Variants in SNX24 observed in about 807,000 individuals in gnomAD.
The protein encoded by SNX24 is sorting nexin 24.
A neutral mutation model predicts 28.7 loss-of-function variants in SNX24; 22 were observed. That is an observed-to-expected ratio of 0.77 (90% CI 0.55 to 1.10). SNX24 has a LOEUF of 1.10. SNX24 is among the 50% of genes least tolerant of loss of function. SNX24 has a pLI of 0.00. For missense variants in SNX24, 221 were observed against 201.1 expected (o/e 1.10, Z -0.60); for synonymous variants, 69 against 71.5 (o/e 0.96, Z 0.18).
chr5:123,015,511 T>C lies in SNX24; in HGVS notation n.383+13507T>C, dbSNP rs936896787. Among the ~76,000 whole-genome samples the C allele has an allele frequency of 7.9e-5, 12 of 152,176 alleles. No homozygotes were observed. In the East Asian group the frequency reaches 2.1e-3, roughly 27 times the overall value. ...AAGCTAATTCAGTGTTTATAAACCA[T>C]AGCTTCGTGACACCCCAGGACAGTG... On this transcript the variant is annotated intron_variant and non_coding_transcript_variant, in intron 5 of 5. Coordinates refer to the SNX24 transcript ENST00000502387.
intron 1 of SNX24, among the ~76,000 whole-genome samples, chr5:122,861,554 A>T (rs1427178417): frequency 6.7e-6 from 1 of 149,798 alleles, no homozygotes; most frequent in Non-Finnish European, 1.5e-5. Context: ...CTCTCAGAGG[A>T]TTTTTTTTTT....
chr5:122,958,813 G>T (rs996407566), intron 3 of SNX24, among the ~76,000 whole-genome samples: 1 of 152,022 alleles, frequency 6.6e-6, no homozygotes, highest in Non-Finnish European at 1.5e-5. Context: ...GCCTGCCTCA[G>T]CCTTCTAAAG....
At chr5:122,891,157 G>GT (rs1167964290) in intron 1 of SNX24, 9 of 1,418,344 alleles carry the variant, frequency 6.3e-6, no homozygotes, top group African/African-American at 5.9e-5. Context: ...TTTACCTAGT[G>GT]TTTTTTTGTT....
chr5:122,904,835 C>G (rs1411038390), intron 1 of SNX24, among the ~76,000 whole-genome samples: 1 of 152,088 alleles, frequency 6.6e-6, no homozygotes, highest in Non-Finnish European at 1.5e-5. Context: ...TGGAGTTTAA[C>G]TGGGAAAAAA....
chr5:123,029,164 C>T lies in SNX24; in HGVS notation n.384-74C>T, dbSNP rs776599564. The T allele has an allele frequency of 4.7e-6, 7 of 1,474,092 alleles. No homozygotes were observed. In the South Asian group the frequency reaches 7.5e-5, roughly 16 times the overall value. 91.3% of individuals were successfully genotyped at this position (1,474,092 alleles called of 1,614,324 possible). On this transcript the variant is annotated intron_variant and non_coding_transcript_variant, in intron 5 of 5. Transcript: ENST00000502387. Reference sequence around the variant, plus strand: ...AAGGGCACTGAGTGCCCAAATAATACATATTTAATTGGAAAATAAAGTCAA... The same window carrying T: ...AAGGGCACTGAGTGCCCAAATAATATATATTTAATTGGAAAATAAAGTCAA...
At chr5:122,956,929 A>G (rs1317055866) in intron 3 of SNX24, among the ~76,000 whole-genome samples, 2 of 151,546 alleles carry the variant, frequency 1.3e-5, no homozygotes, top group African/African-American at 4.8e-5. Context: ...TATTCTGGAT[A>G]TTCTTCCCTT....
At chr5:122,913,111 G>A (rs1407272452) in intron 1 of SNX24, among the ~76,000 whole-genome samples, 7 of 152,206 alleles carry the variant, frequency 4.6e-5, no homozygotes, top group Admixed American at 1.3e-4. Flanking sequence ...CCATATCTAC[G>A]TCTTTCTACA....
chr5:122,906,303 T>C (rs911176377), intron 1 of SNX24, among the ~76,000 whole-genome samples: 1 of 152,220 alleles, frequency 6.6e-6, no homozygotes, highest in African/African-American at 2.4e-5. Context: ...CTGTCTGTCA[T>C]TGTACAAACA....
At chr5:122,891,372 GA>G (rs1313317117) in intron 1 of SNX24, among the ~76,000 whole-genome samples, 3 of 152,102 alleles carry the variant, frequency 2.0e-5, no homozygotes, top group African/African-American at 7.2e-5. Flanking sequence ...CTATTTGTGG[GA>G]AAAATGCCAT....
chr5:122,932,645 G>A (rs891255655), intron 1 of SNX24, among the ~76,000 whole-genome samples: 1 of 151,982 alleles, frequency 6.6e-6, no homozygotes, highest in Non-Finnish European at 1.5e-5. Flanking sequence ...CTATGCAGGC[G>A]GATCACAAGG....
At chr5:122,859,641 A>T (rs1482643296) in intron 1 of SNX24, among the ~76,000 whole-genome samples, 2 of 151,988 alleles carry the variant, frequency 1.3e-5, no homozygotes, top group African/African-American at 4.8e-5. Context: ...AAAGAGTTGA[A>T]CTCTGTAAAA....
intron 1 of SNX24, among the ~76,000 whole-genome samples, chr5:122,909,777 T>C (rs1282951522): frequency 2.0e-5 from 3 of 152,226 alleles, no homozygotes; most frequent in Admixed American, 6.5e-5. Context: ...GTGTCTCTTT[T>C]GCTGCCCACT....
At chr5:122,866,488 C>G (rs867007481) in intron 1 of SNX24, among the ~76,000 whole-genome samples, 34 of 152,192 alleles carry the variant, frequency 2.2e-4, no homozygotes, top group South Asian at 1.0e-3. Flanking sequence ...ATTCCATATT[C>G]CATTTGCCTT....
intron 3 of SNX24, among the ~76,000 whole-genome samples, chr5:122,985,591 G>C (rs941505450): frequency 3.3e-5 from 5 of 152,290 alleles, no homozygotes; most frequent in Middle Eastern, 3.4e-3. Flanking sequence ...GAAGATATTA[G>C]ATGTTATTAT....
At chr5:123,012,912 A>G (rs1762615677), downstream of SNX24, among the ~76,000 whole-genome samples, 1 of 152,218 alleles carries the variant, frequency 6.6e-6, no homozygotes, top group Non-Finnish European at 1.5e-5. Flanking sequence ...TTGGGTAGTT[A>G]GAAACACCAC....
chr5:122,978,684 T>A (rs1204508707), intron 3 of SNX24, among the ~76,000 whole-genome samples: 1 of 152,184 alleles, frequency 6.6e-6, no homozygotes, highest in East Asian at 1.9e-4. Context: ...AGGTTTAATG[T>A]AATAAGGCAG....
chr5:122,940,182 C>T (rs542362183), intron 2 of SNX24, among the ~76,000 whole-genome samples: 1 of 152,044 alleles, frequency 6.6e-6, no homozygotes, highest in South Asian at 2.1e-4. Context: ...TTAGTAGAGA[C>T]AGTGTTTCGC....
Position 123,007,982 on chromosome 5 carries a change from T to C in SNX24, c.*233T>C, listed in dbSNP as rs935342014. 4.1e-6 allele frequency: 5 copies of C among 1,219,484 alleles called. No homozygotes were observed. The African/African-American group carries it at 4.8e-5, about 12-fold the overall frequency. 75.5% of individuals were successfully genotyped at this position (1,219,484 alleles called of 1,614,324 possible). A position where few individuals can be genotyped will look rare whatever the true frequency, so the allele number is the denominator to read the frequency against. On this transcript the variant is annotated 3_prime_UTR_variant, in exon 7 of 7. Transcript: ENST00000261369. Reference sequence around the variant, plus strand: ...AAGGCCAAGTGTTTAAGAAGTAGAGTGTAGCTGCCAGCGTAGAAACCCATG... The same window carrying C: ...AAGGCCAAGTGTTTAAGAAGTAGAGCGTAGCTGCCAGCGTAGAAACCCATG...
intron 1 of SNX24, among the ~76,000 whole-genome samples, chr5:122,848,805 CTT>C (rs946328831): frequency 4.6e-5 from 7 of 152,316 alleles, no homozygotes; most frequent in African/African-American, 1.7e-4. Context: ...GGTTTCTCCT[CTT>C]TGCTTCTAGT....
Sources: allele counts gnomAD v4.1 joint callset (sites outside exome capture counted in the v4.1 genomes callset), GRCh38; gene constraint gnomAD v4.1.1; transcripts MANE v1.5; gene names NCBI Gene and HGNC (gene_info 2026-07-23, HGNC 2026-07-21).